The following FARP1 variants were observed in gnomAD, a reference collection of about 807,000 sequenced individuals.
FARP1 encodes the protein FERM, ARHGEF and pleckstrin domain-containing protein 1.
Under a neutral mutation model 128.8 loss-of-function variants are expected in FARP1, and 52 were observed. The ratio of observed to expected loss-of-function variants is 0.40; its 90% confidence interval spans 0.32 to 0.51. The LOEUF (loss-of-function observed/expected upper bound fraction) is 0.51. Among genes scored for constraint, FARP1 ranks in the 20% least tolerant of loss-of-function variants. The pLI, the probability that FARP1 is intolerant of heterozygous loss-of-function variation, is 0.45. For synonymous variants in FARP1, 580 were observed against 551.8 expected (o/e 1.05, Z -0.72); for missense variants, 1,333 against 1,367.9 (o/e 0.97, Z 0.40).
chr13:98,268,107 G>A (rs1884213981), intron 2 of FARP1, among the ~76,000 whole-genome samples: 1 of 152,210 alleles, frequency 6.6e-6, no homozygotes, highest in African/African-American at 2.4e-5. Flanking sequence ...TTAACTGGTT[G>A]AAGATGGAAA....
rs1893352151 is a variant in FARP1, at chr13:98,454,388, G to C, written c.*6071G>C. ...TCACAGGTCCAGGAGAGATGGCTGA[G>C]GATGTCTTTGACCAGGCTTATCTCA... On this transcript the variant is annotated 3_prime_UTR_variant, in exon 27 of 27. Coordinates refer to ENST00000319562, the MANE Select transcript of FARP1 (RefSeq NM_005766.4). 6.6e-6 allele frequency: 1 copy of C among 152,178 alleles called. No individual in the cohort carries two copies. Among genetic ancestry groups the C allele is most frequent in the Non-Finnish European group, 1.5e-5 (1 of 68,042 alleles). 9.4% of individuals were successfully genotyped at this position (152,178 alleles called of 1,614,324 possible). A position where few individuals can be genotyped will look rare whatever the true frequency, so the allele number is the denominator to read the frequency against.
chr13:98,419,186 A>G (rs1370305297), intron 16 of FARP1, among the ~76,000 whole-genome samples: 3 of 152,146 alleles, frequency 2.0e-5, no homozygotes, highest in Admixed American at 6.5e-5. Context: ...CATACACAAT[A>G]TGTTAGGTCA....
At chr13:98,144,324 C>T (rs1051455426) in intron 1 of FARP1, among the ~76,000 whole-genome samples, 7 of 152,014 alleles carry the variant, frequency 4.6e-5, no homozygotes, top group African/African-American at 1.5e-4. Flanking sequence ...GAGTAGGGTT[C>T]CCCAGAAAGG....
chr13:98,346,186 AT>A (rs10555277), intron 3 of FARP1, among the ~76,000 whole-genome samples: 54,796 of 105,196 alleles, frequency 0.52, 12,711 homozygotes, highest in East Asian at 0.81. Context: ...ATTGCATATA[AT>A]TTTTTTTTTT....
Position 98,186,263 on chromosome 13 carries a change from C to T in FARP1, c.-23-26957C>T, listed in dbSNP as rs576170048. ...CTGGGATTACAGGCATGAGCCACCA[C>T]GCCTGGCTAACTTTTTGTATTTTTA... is the stretch of plus-strand genomic sequence containing the variant. On this transcript the variant is annotated intron_variant, in intron 1 of 26. Coordinates refer to ENST00000319562, the MANE Select transcript of FARP1 (RefSeq NM_005766.4). Among the ~76,000 whole-genome samples, 216 of 152,198 alleles carry T rather than the reference C, an allele frequency of 1.4e-3. 1 individual carries two copies. The highest frequency in any genetic ancestry group is 4.7e-3 in the African/African-American group (197 of 41,534).
rs531571554 is a variant in FARP1 at position 98,389,974 on chromosome 13, C to G, written c.873C>G (p.Thr291=). ...RPDANSAYQD[T]LEFLMASRDF... ...CTTTTTAGAGTGCGTACCAGGATAC[C>G]TTGGAATTCCTGATGGCCAGTCGGG... The change falls in exon 10 of 27, where the codon ACC becomes ACG. Residue 291 remains threonine, a synonymous_variant. Coordinates refer to ENST00000319562, the MANE Select transcript of FARP1 (RefSeq NM_005766.4). The G allele has an allele frequency of 6.2e-7, 1 of 1,614,104 alleles. No homozygotes were observed. Among genetic ancestry groups the G allele is most frequent in the South Asian group, 1.1e-5 (1 of 91,072 alleles).
chr13:98,394,250 T>C (rs1479791075), intron 12 of FARP1, among the ~76,000 whole-genome samples: 1 of 152,182 alleles, frequency 6.6e-6, no homozygotes, highest in Non-Finnish European at 1.5e-5. Flanking sequence ...GGAGTTGGTC[T>C]CTGGGTAAGT....
intron 2 of FARP1, among the ~76,000 whole-genome samples, chr13:98,229,273 G>A (rs1218397282): frequency 6.6e-6 from 1 of 152,190 alleles, no homozygotes; most frequent in Non-Finnish European, 1.5e-5. Flanking sequence ...AATGGTGTTT[G>A]TGCTGTTGTG....
intron 2 of FARP1, among the ~76,000 whole-genome samples, chr13:98,228,395 T>G (rs1290521990): frequency 6.6e-6 from 1 of 151,356 alleles, no homozygotes; most frequent in East Asian, 1.9e-4. Context: ...ATGGCTAAAA[T>G]GGTAAACCCC....
chr13:98,206,177 TTGTG>T (rs3138577), intron 1 of FARP1, among the ~76,000 whole-genome samples: 23,580 of 146,268 alleles, frequency 0.16, 3,001 homozygotes, highest in East Asian at 0.52. Context: ...TGACTTGAGG[TTGTG>T]TGTGTGTGTG....
Position 98,431,231 on chromosome 13 carries a change from G to T in FARP1, c.2094G>T (p.Arg698=), listed in dbSNP as rs768822264. The stretch of plus-strand genomic sequence containing the variant: ...TGCACTACAAGCAGGTCCTGGAGCG[G>T]CTGTGCAAACACCACCCGCCGAGCC... ...RLMHYKQVLE[R]LCKHHPPSHA... Residue 698 remains arginine, a synonymous_variant, in exon 18 of 27, where the codon CGG becomes CGT. Coordinates refer to ENST00000319562, the MANE Select transcript of FARP1 (RefSeq NM_005766.4). 1 of 1,587,762 alleles carries T rather than the reference G, an allele frequency of 6.3e-7. No individual in the cohort carries two copies. Among genetic ancestry groups the T allele is most frequent in the African/African-American group, 1.3e-5 (1 of 74,328 alleles).
intron 2 of FARP1, among the ~76,000 whole-genome samples, chr13:98,267,530 G>A (rs1472789638): frequency 1.3e-5 from 2 of 152,266 alleles, no homozygotes; most frequent in East Asian, 3.9e-4. Flanking sequence ...GCCTATGGAG[G>A]GCTGCTGATG....
At chr13:98,286,219 T>C (rs558874525) in intron 2 of FARP1, among the ~76,000 whole-genome samples, 1 of 152,320 alleles carries the variant, frequency 6.6e-6, no homozygotes, top group Admixed American at 6.5e-5. Context: ...CGTCTCGTTA[T>C]CTGCCCCTCT....
rs1245711952 is a variant in FARP1 at position 98,153,350 on chromosome 13, TA to T, written c.-24+9863del. On this transcript the variant is annotated intron_variant, in intron 1 of 26. Coordinates refer to ENST00000319562, the MANE Select transcript of FARP1 (RefSeq NM_005766.4). The stretch of plus-strand genomic sequence containing the variant: ...AATATAATATATAAAATAATATATA[TA>T]AAAATATATAAAATATGTTATATAT... Among the ~76,000 whole-genome samples the T allele has an allele frequency of 6.6e-3, 215 of 32,552 alleles. 8 individuals are homozygous for T. The East Asian group carries it at 0.51, about 77-fold the overall frequency. 21.4% of individuals were successfully genotyped at this position (32,552 alleles called of 152,430 possible). A position where few individuals can be genotyped will look rare whatever the true frequency, so the allele number is the denominator to read the frequency against.
In FARP1 at chr13:98,450,825, T is replaced by A. The variant is rs1329837440; in HGVS notation, c.*2508T>A. On this transcript the variant is annotated 3_prime_UTR_variant, in exon 27 of 27. Coordinates refer to ENST00000319562, the MANE Select transcript of FARP1 (RefSeq NM_005766.4). The stretch of plus-strand genomic sequence containing the variant: ...TGGAAGTGGCGACACAAAAGCCAGC[T>A]TCCTTGGCTAAGATGCCCTTAAAAA... 3 of 152,270 alleles carry A rather than the reference T, an allele frequency of 2.0e-5. No homozygotes were observed. Among genetic ancestry groups the A allele is most frequent in the Non-Finnish European group, 2.9e-5 (2 of 68,062 alleles). 9.4% of individuals were successfully genotyped at this position (152,270 alleles called of 1,614,324 possible). A position where few individuals can be genotyped will look rare whatever the true frequency, so the allele number is the denominator to read the frequency against.
chr13:98,326,956 C>T (rs1329851115), intron 2 of FARP1, among the ~76,000 whole-genome samples: 1 of 152,140 alleles, frequency 6.6e-6, no homozygotes, highest in Non-Finnish European at 1.5e-5. Flanking sequence ...GTTTTGAGCA[C>T]TCATGTTATT....
chr13:98,427,075 T>C (rs1891816707), intron 17 of FARP1, among the ~76,000 whole-genome samples: 1 of 152,092 alleles, frequency 6.6e-6, no homozygotes, highest in Admixed American at 6.5e-5. Context: ...GGGCCCCCTC[T>C]TGGTGGTGTA....
At chr13:98,436,995 T>A (rs1892295714) in intron 19 of FARP1, among the ~76,000 whole-genome samples, 1 of 152,190 alleles carries the variant, frequency 6.6e-6, no homozygotes, top group Non-Finnish European at 1.5e-5. Flanking sequence ...AAAGTCTCGC[T>A]CTACCAGTGC....
At chr13:98,293,413 A>AG (rs1212215955) in intron 2 of FARP1, among the ~76,000 whole-genome samples, 1 of 152,158 alleles carries the variant, frequency 6.6e-6, no homozygotes, top group African/African-American at 2.4e-5. Context: ...AGGGGAACAC[A>AG]GGTCACCTGA....
Sources: allele counts gnomAD v4.1 joint callset (sites outside exome capture counted in the v4.1 genomes callset), GRCh38; gene constraint gnomAD v4.1.1; transcripts MANE v1.5; gene names NCBI Gene and HGNC (gene_info 2026-07-23, HGNC 2026-07-21).